Variants in MAU2 observed in about 807,000 individuals in gnomAD.
MAU2 encodes the protein MAU2 chromatid cohesion factor homolog.
In MAU2, 9 loss-of-function variants were observed where a neutral mutation model predicts 89.1. That is an observed-to-expected ratio of 0.10 (90% confidence interval 0.06 to 0.18). The LOEUF (loss-of-function observed/expected upper bound fraction) is 0.18. Among genes scored for constraint, MAU2 ranks in the 10% least tolerant of loss-of-function variants. MAU2 has a pLI of 1.00. For missense variants in MAU2, 425 were observed against 803.5 expected, an observed-to-expected ratio of 0.53 and a Z score of 5.69; for synonymous variants, 357 against 343.4, an observed-to-expected ratio of 1.04 and a Z score of -0.44.
rs2048192315 is a variant in MAU2 at position 19,357,433 on chromosome 19, G to A, written c.*1651G>A. 1.3e-5 allele frequency: 2 copies of A among 152,730 alleles called. No homozygotes were observed. The highest frequency in any genetic ancestry group is 3.9e-4 in the East Asian group (2 of 5,166). The allele number at this position is 152,730 out of a possible 1,614,324, so 9.5% of individuals were successfully genotyped here. ...TGGCCTCTGCTAGCTCCACCTTGAA[G>A]GAGCCCCCCACATCCTCCCCTACAT... On this transcript the variant is annotated 3_prime_UTR_variant, in exon 19 of 19. Transcript: ENST00000262815.
rs917821223 is a variant in MAU2, at chr19:19,345,614, C to T, written c.1221+245C>T. On this transcript the variant is annotated intron_variant, in intron 12 of 18. Coordinates refer to ENST00000262815, the MANE Select transcript of MAU2 (RefSeq NM_015329.4). The surrounding 1 kb of genome is among the most constrained non-coding windows in gnomAD (Gnocchi z 4.9). ...CAAGGGCAGACGTGAGGGAGAGGTG[C>T]GACGCGTCCGGGGACACCACTTTCA... Among the ~76,000 whole-genome samples, 8 of 152,150 alleles carry T rather than the reference C, an allele frequency of 5.3e-5. No individual in the cohort carries two copies. In the East Asian group the frequency reaches 7.7e-4, roughly 15 times the overall value.
chr19:19,332,619 G>A (rs1326899034), intron 1 of MAU2, among the ~76,000 whole-genome samples: 6 of 152,026 alleles, frequency 3.9e-5, no homozygotes, highest in African/African-American at 1.4e-4. Flanking sequence ...GAGAATGCTT[G>A]TATTTGGAGC....
Position 19,342,567 on chromosome 19 carries a change from G to A in MAU2, c.768G>A (p.Leu256=), listed in dbSNP as rs1179963379. Residue 256 remains leucine (L), a synonymous_variant, in exon 8 of 19, where the codon CTG becomes CTA. Coordinates refer to ENST00000262815, the MANE Select transcript of MAU2 (RefSeq NM_015329.4). The part of the protein sequence containing the change: ...VKSVKPCLKQ[L]QQCIQTISTL... ...GCGTGAAGCCGTGTCTGAAGCAGCT[G>A]CAGCAGTGCATCCAGACCATCTCCA... 1.9e-6 allele frequency: 3 copies of A among 1,606,892 alleles called. No homozygotes were observed. In the African/African-American group the frequency reaches 4.0e-5, roughly 21 times the overall value.
chr19:19,355,460 C>T (rs2301671), intron 18 of MAU2, 69 bp downstream of exon 18: 313,427 of 1,587,384 alleles, frequency 0.2, 33,941 homozygotes, highest in South Asian at 0.34. Flanking sequence ...GGAAGGGGCA[C>T]CTTGGCTGTA....
At chr19:19,342,921 T>C in intron 9 of MAU2, 55 bp downstream of exon 9, 6 of 1,589,520 alleles carry the variant, frequency 3.8e-6, no homozygotes, top group Non-Finnish European at 5.2e-6. Context: ...GCGGACGGCC[T>C]GGCCAGACGC....
chr19:19,348,910 A>G lies in MAU2; in HGVS notation c.1330A>G (p.Ile444Val). 1 of 1,613,818 alleles carries G rather than the reference A, an allele frequency of 6.2e-7. No individual in the cohort carries two copies. Among genetic ancestry groups the G allele is most frequent in the Non-Finnish European group, 8.5e-7 (1 of 1,179,982 alleles). ...QEVLYSLLER[I>V]NPDHSFPVSS... Reference sequence around the variant, plus strand: ...GCAGCTCTACAGTCTGCTGGAGAGGATCAACCCGGACCACAGCTTCCCTGT... The same window carrying G: ...GCAGCTCTACAGTCTGCTGGAGAGGGTCAACCCGGACCACAGCTTCCCTGT... Residue 444 changes from isoleucine to valine, a missense_variant, in exon 14 of 19, where the codon ATC becomes GTC. Ile to Val is a conservative substitution (Grantham distance 29, BLOSUM62 3). Coordinates refer to ENST00000262815, the MANE Select transcript of MAU2 (RefSeq NM_015329.4).
Position 19,349,424 on chromosome 19 carries a change from G to A in MAU2, c.1536G>A (p.Leu512=). 1 of 1,613,988 alleles carries A rather than the reference G, an allele frequency of 6.2e-7. No individual in the cohort carries two copies. Among genetic ancestry groups the A allele is most frequent in the Non-Finnish European group, 8.5e-7 (1 of 1,179,998 alleles). The stretch of plus-strand genomic sequence containing the variant: ...TTCTGGGCCACATCTTCTATGTGCT[G>A]GGAAACCACAGGGTGAGTGCCCTGG... ...LVLLGHIFYV[L]GNHRESNNMV... The change falls in exon 16 of 19, where the codon CTG becomes CTA. Residue 512 remains leucine, a synonymous_variant. Coordinates refer to ENST00000262815, the MANE Select transcript of MAU2 (RefSeq NM_015329.4).
intron 4 of MAU2, among the ~76,000 whole-genome samples, chr19:19,338,162 C>T (rs572541577): frequency 8.5e-5 from 13 of 152,358 alleles, no homozygotes; most frequent in Admixed American, 6.5e-4. Flanking sequence ...CAGGGAAGAG[C>T]TCCCCCAGCA....
At chr19:19,325,679 A>G (rs537169471) in intron 1 of MAU2, among the ~76,000 whole-genome samples, 47 of 152,006 alleles carry the variant, frequency 3.1e-4, no homozygotes, top group Non-Finnish European at 5.9e-4. Flanking sequence ...AGGTTTCATC[A>G]TGTTAGTCAA....
At chr19:19,330,997 T>G (rs976356835) in intron 1 of MAU2, among the ~76,000 whole-genome samples, 1 of 152,168 alleles carries the variant, frequency 6.6e-6, no homozygotes, top group Non-Finnish European at 1.5e-5. Context: ...GCACCAGAGC[T>G]GTGCTGGTCT....
Position 19,345,067 on chromosome 19 carries a change from A to C in MAU2, c.1155+141A>C, listed in dbSNP as rs2061682257. 2.5e-6 allele frequency: 2 copies of C among 815,500 alleles called. No homozygotes were observed. The highest frequency in any genetic ancestry group is 3.4e-5 in the African/African-American group (2 of 59,416). 50.5% of individuals were successfully genotyped at this position (815,500 alleles called of 1,614,324 possible). A position where few individuals can be genotyped will look rare whatever the true frequency, so the allele number is the denominator to read the frequency against. ...ATCCGGAATGTTCCCATAGGTAATC[A>C]TATAACCTTCCCAGGCACGATCCGG... On this transcript the variant is annotated intron_variant, in intron 11 of 18. Transcript: ENST00000262815. This position sits in a 1 kb window ranked among gnomAD's most constrained non-coding sequence, Gnocchi z 4.9.
At chr19:19,331,256 T>C (rs1191088871) in intron 1 of MAU2, among the ~76,000 whole-genome samples, 1 of 151,460 alleles carries the variant, frequency 6.6e-6, no homozygotes, top group Non-Finnish European at 1.5e-5. Flanking sequence ...TCCCAGCACT[T>C]TGGGAGGCCG....
chr19:19,322,712 AG>A (rs2061471414), intron 1 of MAU2, among the ~76,000 whole-genome samples: 1 of 150,708 alleles, frequency 6.6e-6, no homozygotes, highest in Non-Finnish European at 1.5e-5. Context: ...CCTTTTACCC[AG>A]CTCTGTCCTG....
intron 2 of MAU2, 71 bp from the exon 3 acceptor site, chr19:19,336,051 G>T (rs1450872599): frequency 9.1e-7 from 1 of 1,098,934 alleles, no homozygotes; most frequent in Admixed American, 1.7e-5. Flanking sequence ...CAGGGTAGGA[G>T]CCCCAAGCTG....
intron 9 of MAU2, among the ~76,000 whole-genome samples, chr19:19,343,510 G>A (rs747169409): frequency 6.7e-6 from 1 of 150,260 alleles, no homozygotes; most frequent in East Asian, 1.9e-4. Flanking sequence ...GCTGCATGGT[G>A]TCATGATCCA....
At chr19:19,329,728 C>T (rs973339490) in intron 1 of MAU2, among the ~76,000 whole-genome samples, 1 of 151,722 alleles carries the variant, frequency 6.6e-6, no homozygotes, top group Non-Finnish European at 1.5e-5. Context: ...TATCCTAGCA[C>T]TTTGGGAGGC....
intron 1 of MAU2, among the ~76,000 whole-genome samples, chr19:19,327,762 C>T (rs1224882706): frequency 1.3e-5 from 2 of 152,046 alleles, no homozygotes; most frequent in East Asian, 3.9e-4. Context: ...TGCCGGCCGC[C>T]TTGTTCCCTG....
chr19:19,333,613 T>C (rs1190516348), intron 1 of MAU2, among the ~76,000 whole-genome samples: 3 of 152,128 alleles, frequency 2.0e-5, no homozygotes, highest in Admixed American at 2.0e-4. Context: ...ACTGGACATG[T>C]CCTTTTGAAG....
intron 1 of MAU2, chr19:19,329,145 C>T (rs1489662816): frequency 2.0e-5 from 9 of 455,756 alleles, no homozygotes; most frequent in Non-Finnish European, 3.5e-5. Context: ...TGAGCCTCTC[C>T]TCATCAGGCC....
Sources: gnomAD v4.1 joint callset for allele counts (sites outside exome capture counted in the v4.1 genomes callset) on GRCh38, gnomAD v4.1.1 for gene constraint, Gnocchi (gnomAD v3.1) non-coding constraint, MANE v1.5 for transcripts, NCBI Gene and HGNC (gene_info 2026-07-23, HGNC 2026-07-21) for gene names.